Variants in TEAD1 observed in about 807,000 individuals in gnomAD.
The protein encoded by TEAD1 is TEA domain transcription factor 1, also known as transcriptional enhancer factor TEF-1.
A neutral mutation model predicts 54.9 loss-of-function variants in TEAD1; 9 were observed. The observed-to-expected ratio is 0.16, with a 90% CI of 0.10 to 0.29. TEAD1 has a LOEUF of 0.29. TEAD1 is among the 10% of genes least tolerant of loss of function. The pLI is 1.00. For missense variants in TEAD1, 387 were observed against 535.9 expected (o/e 0.72, Z 2.74); for synonymous variants, 200 against 187.8 (o/e 1.07, Z -0.53).
At position 12,877,462 on chromosome 11, in the gene TEAD1, G is replaced by C. The variant is rs1328890427; in HGVS notation, c.331-2246G>C. Reference sequence around the variant, plus strand: ...GAGGTCGGGAGTTCGAGACCAGCCTGGCCAACATGGTGAAACCCCATCTCT... The same window carrying C: ...GAGGTCGGGAGTTCGAGACCAGCCTCGCCAACATGGTGAAACCCCATCTCT... On this transcript the variant is annotated intron_variant, in intron 5 of 12. Transcript: ENST00000527636. Among the ~76,000 whole-genome samples the C allele has an allele frequency of 2.6e-5, 4 of 152,300 alleles. No homozygotes were observed. In the East Asian group the frequency reaches 7.7e-4, roughly 29 times the overall value.
intron 2 of TEAD1, among the ~76,000 whole-genome samples, chr11:12,737,901 A>C (rs1944569591): frequency 6.6e-6 from 1 of 152,236 alleles, no homozygotes; most frequent in Admixed American, 6.5e-5. Flanking sequence ...TAATGGACTC[A>C]CAGTTCCATG....
chr11:12,697,494 G>C (rs546268450), intron 2 of TEAD1, among the ~76,000 whole-genome samples: 1 of 152,266 alleles, frequency 6.6e-6, no homozygotes, highest in East Asian at 1.9e-4. Context: ...TTAGAGGATA[G>C]ATTTTTTTGG....
intron 2 of TEAD1, among the ~76,000 whole-genome samples, chr11:12,759,558 T>G (rs1239228075): frequency 1.3e-5 from 2 of 152,172 alleles, no homozygotes; most frequent in African/African-American, 4.8e-5. Context: ...CTACAAAGTA[T>G]ACATATTTTT....
intron 3 of TEAD1, among the ~76,000 whole-genome samples, chr11:12,766,552 C>T (rs1053497721): frequency 6.6e-6 from 1 of 152,078 alleles, no homozygotes; most frequent in Admixed American, 6.5e-5. Flanking sequence ...TGGACTCTTC[C>T]ATTTTGTGAT....
At chr11:12,714,756 G>A (rs1228697231) in intron 2 of TEAD1, among the ~76,000 whole-genome samples, 1 of 152,092 alleles carries the variant, frequency 6.6e-6, no homozygotes, top group Non-Finnish European at 1.5e-5. Context: ...GATTTCTTCC[G>A]AGGCCCCTCT....
intron 3 of TEAD1, among the ~76,000 whole-genome samples, chr11:12,857,356 G>A (rs1947407102): frequency 1.3e-5 from 2 of 152,188 alleles, no homozygotes; most frequent in South Asian, 4.1e-4. Context: ...GCTTAAAGAG[G>A]TGACATGTTG....
chr11:12,887,301 T>G (rs991091305), intron 9 of TEAD1, among the ~76,000 whole-genome samples: 2 of 152,242 alleles, frequency 1.3e-5, no homozygotes, highest in Admixed American at 1.3e-4. Flanking sequence ...TTCACCGTGT[T>G]AGCCAAGATG....
At chr11:12,826,426 T>G (rs1946657406) in intron 3 of TEAD1, among the ~76,000 whole-genome samples, 1 of 152,320 alleles carries the variant, frequency 6.6e-6, no homozygotes, top group Non-Finnish European at 1.5e-5. Context: ...GGGTCCTCCA[T>G]AGTGGGGAAT....
chr11:12,909,673 C>A (rs964974855), intron 10 of TEAD1, among the ~76,000 whole-genome samples: 2 of 152,188 alleles, frequency 1.3e-5, no homozygotes, highest in Non-Finnish European at 2.9e-5. Context: ...AGCATCTTCT[C>A]CACCCCTAGG....
chr11:12,805,055 T>C (rs1946140173), intron 3 of TEAD1, among the ~76,000 whole-genome samples: 1 of 152,318 alleles, frequency 6.6e-6, no homozygotes, highest in East Asian at 1.9e-4. Flanking sequence ...TTCTTCACAG[T>C]CCTGCAAAGG....
At chr11:12,862,208 G>A in intron 3 of TEAD1, 42 bp from the exon 4 acceptor site, 1 of 1,560,408 alleles carries the variant, frequency 6.4e-7, no homozygotes, top group South Asian at 1.1e-5. Context: ...TTGGTTTGGT[G>A]TTTTGGTAAC....
chr11:12,918,871 C>G (rs1054813568), intron 10 of TEAD1, among the ~76,000 whole-genome samples: 1 of 152,118 alleles, frequency 6.6e-6, no homozygotes, highest in African/African-American at 2.4e-5. Flanking sequence ...GCTGAGTAAA[C>G]AAAACTAAAC....
intron 2 of TEAD1, among the ~76,000 whole-genome samples, chr11:12,726,095 T>C (rs1944305232): frequency 6.6e-6 from 1 of 152,116 alleles, no homozygotes. Flanking sequence ...GAACATAAAA[T>C]AGCAGATGAC....
chr11:12,896,171 A>G (rs1437170736), intron 9 of TEAD1, among the ~76,000 whole-genome samples: 1 of 152,172 alleles, frequency 6.6e-6, no homozygotes, highest in Non-Finnish European at 1.5e-5. Flanking sequence ...TTCTTAAAAA[A>G]TTGTTCAGTT....
At chr11:12,732,279 T>C (rs1232114360) in intron 2 of TEAD1, among the ~76,000 whole-genome samples, 1 of 152,228 alleles carries the variant, frequency 6.6e-6, no homozygotes, top group Non-Finnish European at 1.5e-5. Context: ...CCAGCAATCA[T>C]TTCTATCTCT....
intron 10 of TEAD1, among the ~76,000 whole-genome samples, chr11:12,904,465 T>G (rs1948482412): frequency 6.6e-6 from 1 of 152,204 alleles, no homozygotes; most frequent in Non-Finnish European, 1.5e-5. Flanking sequence ...GATTTTAATG[T>G]AACAGAGTTG....
chr11:12,779,827 A>G (rs1176680834), intron 3 of TEAD1, among the ~76,000 whole-genome samples: 1 of 152,238 alleles, frequency 6.6e-6, no homozygotes, highest in Non-Finnish European at 1.5e-5. Context: ...AGAAAAAACC[A>G]CATTTTTATC....
At chr11:12,860,349 G>A (rs1947472784) in intron 3 of TEAD1, among the ~76,000 whole-genome samples, 1 of 152,166 alleles carries the variant, frequency 6.6e-6, no homozygotes, top group African/African-American at 2.4e-5. Context: ...TTTCAGGAAT[G>A]CGAATGGATG....
At chr11:12,883,700 CTCT>C (rs1948020607) in intron 9 of TEAD1, among the ~76,000 whole-genome samples, 1 of 152,148 alleles carries the variant, frequency 6.6e-6, no homozygotes, top group Non-Finnish European at 1.5e-5. Flanking sequence ...GCAAGTTGTT[CTCT>C]TCTTAAGAAC....
Sources: gnomAD v4.1 joint callset for allele counts (sites outside exome capture counted in the v4.1 genomes callset) on GRCh38, gnomAD v4.1.1 for gene constraint, MANE v1.5 for transcripts, NCBI Gene and HGNC (gene_info 2026-07-23, HGNC 2026-07-21) for gene names.